The following SHTN1 variants were observed in gnomAD, a reference collection of about 807,000 sequenced individuals.
SHTN1 encodes the protein shootin-1.
SHTN1 carries 42 observed loss-of-function variants against 83.1 expected under a neutral mutation model. The observed-to-expected ratio is 0.51, with a 90% confidence interval of 0.39 to 0.65. SHTN1 has a LOEUF of 0.65. SHTN1 is among the 30% of genes least tolerant of loss of function. SHTN1 has a pLI of 0.00. For synonymous variants in SHTN1, 224 were observed against 247.7 expected (o/e 0.90, Z 0.90); for missense variants, 622 against 737.8 (o/e 0.84, Z 1.82).
intron 1 of SHTN1, among the ~76,000 whole-genome samples, chr10:116,982,585 A>C (rs1851064650): frequency 6.6e-6 from 1 of 152,326 alleles, no homozygotes; most frequent in South Asian, 2.1e-4. Flanking sequence ...GCAGTCTGAA[A>C]ATTTTAAAAA....
At chr10:117,010,085 A>T (rs559618848), upstream of SHTN1, among the ~76,000 whole-genome samples, 1 of 152,258 alleles carries the variant, frequency 6.6e-6, no homozygotes, top group Admixed American at 6.5e-5. Context: ...AATAATGAAG[A>T]TTAGAGTGGA....
At chr10:117,112,745 C>G (rs767988070) in intron 1 of SHTN1, among the ~76,000 whole-genome samples, 3 of 152,192 alleles carry the variant, frequency 2.0e-5, no homozygotes, top group Admixed American at 1.3e-4. Flanking sequence ...ATTAAAATTT[C>G]TCTTCCTAAC....
chr10:117,113,207 CTT>C (rs1853792323), intron 1 of SHTN1, among the ~76,000 whole-genome samples: 1 of 152,188 alleles, frequency 6.6e-6, no homozygotes, highest in African/African-American at 2.4e-5. Flanking sequence ...TCCTAATTCT[CTT>C]TGAGCAGGAA....
At chr10:116,975,919 T>C (rs184362970) in intron 2 of SHTN1, among the ~76,000 whole-genome samples, 3 of 152,328 alleles carry the variant, frequency 2.0e-5, no homozygotes, top group Admixed American at 2.0e-4. Context: ...TAAAGATAAA[T>C]GACCCAGAAA....
At position 116,906,727 on chromosome 10, in the gene SHTN1, A is replaced by G. The variant is rs770851197; in HGVS notation, c.1380T>C (p.Thr460=). ...CAAGGGATTTTAAGCTTCTTGAACT[A>G]GTGGATTTGTTAAGTGTCCCCTAAA... The part of the protein sequence containing the change: ...KGILGTLNKS[T]SSRSLKSLDP... Residue 460 remains threonine, a synonymous_variant, in exon 15 of 17, where the codon ACT becomes ACC. Transcript: ENST00000355371. The G allele has an allele frequency of 6.2e-7, 1 of 1,612,774 alleles. No individual in the cohort carries two copies. The highest frequency in any genetic ancestry group is 1.1e-5 in the South Asian group (1 of 90,798).
At chr10:116,990,705 A>G (rs552606214) in intron 1 of SHTN1, among the ~76,000 whole-genome samples, 3 of 151,842 alleles carry the variant, frequency 2.0e-5, no homozygotes, top group Non-Finnish European at 4.4e-5. Context: ...ACCCCCAAAC[A>G]CACCCCATGG....
At chr10:117,004,197 T>G (rs1851925053) in intron 1 of SHTN1, among the ~76,000 whole-genome samples, 1 of 152,190 alleles carries the variant, frequency 6.6e-6, no homozygotes, top group Non-Finnish European at 1.5e-5. Flanking sequence ...GGTTCCTCCC[T>G]GTCTTGACCC....
chr10:116,900,433 T>C, intron 16 of SHTN1: 1 of 1,076,936 alleles, frequency 9.3e-7, no homozygotes, highest in Non-Finnish European at 1.4e-6. Flanking sequence ...ACCTTGGGCC[T>C]GCAATTATTT....
At chr10:116,921,772 G>A (rs1365064928) in intron 11 of SHTN1, among the ~76,000 whole-genome samples, 1 of 151,962 alleles carries the variant, frequency 6.6e-6, no homozygotes, top group Non-Finnish European at 1.5e-5. Context: ...CACTTACAAA[G>A]GAAAAGAGAC....
At chr10:116,930,596 T>TA (rs777581618) in intron 9 of SHTN1, among the ~76,000 whole-genome samples, 5 of 152,208 alleles carry the variant, frequency 3.3e-5, no homozygotes, top group Admixed American at 6.5e-5. Context: ...TTCCATGGTG[T>TA]AATATGTACC....
chr10:117,012,204 A>G (rs1197079831), intron 2 of SHTN1, among the ~76,000 whole-genome samples: 1 of 152,018 alleles, frequency 6.6e-6, no homozygotes, highest in Non-Finnish European at 1.5e-5. Flanking sequence ...AATTCTTCCA[A>G]ATTTAACCTA....
At chr10:117,061,044 A>G (rs1852891833) in intron 1 of SHTN1, among the ~76,000 whole-genome samples, 1 of 151,970 alleles carries the variant, frequency 6.6e-6, no homozygotes, top group African/African-American at 2.4e-5. Flanking sequence ...AAAATGGTCC[A>G]CCTTTGCTGG....
At chr10:116,975,721 T>C (rs189329182) in intron 2 of SHTN1, among the ~76,000 whole-genome samples, 1 of 151,812 alleles carries the variant, frequency 6.6e-6, no homozygotes, top group African/African-American at 2.4e-5. Context: ...AAAATATCCA[T>C]CAAAACATGG....
chr10:116,978,501 G>C (rs1318345661), intron 2 of SHTN1, among the ~76,000 whole-genome samples: 1 of 151,742 alleles, frequency 6.6e-6, no homozygotes, highest in Non-Finnish European at 1.5e-5. Flanking sequence ...ACCGAAAATA[G>C]GCAGTCTGCT....
At chr10:116,932,749 G>C (rs189883315) in intron 9 of SHTN1, among the ~76,000 whole-genome samples, 7 of 152,280 alleles carry the variant, frequency 4.6e-5, no homozygotes, top group African/African-American at 1.7e-4. Flanking sequence ...GTACATGAAA[G>C]ACTGTAAGAA....
In SHTN1 at chr10:116,908,580, C is replaced by A. The variant is rs1848066731; in HGVS notation, c.1360-1833G>T. On this transcript the variant is annotated intron_variant, in intron 14 of 16. Coordinates refer to ENST00000355371, the MANE Select transcript of SHTN1 (RefSeq NM_001127211.3). ...ATATTTGAAAAACACATGGTCATCA[C>A]TACTAAAATAAGTTGTAAAACTACT... 2.0e-5 allele frequency among the ~76,000 whole-genome samples: 3 copies of A among 152,290 alleles called. 1 individual carries two copies. The South Asian group carries it at 6.2e-4, about 32-fold the overall frequency.
chr10:117,011,729 C>T (rs1852105887), intron 2 of SHTN1, among the ~76,000 whole-genome samples: 1 of 151,600 alleles, frequency 6.6e-6, no homozygotes, highest in Admixed American at 6.6e-5. Context: ...AATACTGAAG[C>T]ACTTAGGTAT....
At chr10:116,954,596 A>G (rs1316768326) in intron 4 of SHTN1, among the ~76,000 whole-genome samples, 1 of 152,158 alleles carries the variant, frequency 6.6e-6, no homozygotes, top group Non-Finnish European at 1.5e-5. Flanking sequence ...CTGTTTGCCT[A>G]ACATCTCTCT....
At chr10:116,946,164 T>C (rs975303315) in intron 7 of SHTN1, among the ~76,000 whole-genome samples, 16 of 150,538 alleles carry the variant, frequency 1.1e-4, no homozygotes, top group Non-Finnish European at 2.1e-4. Flanking sequence ...TTCCTTTTAC[T>C]GGTATTTCCT....
Sources: allele counts gnomAD v4.1 joint callset (sites outside exome capture counted in the v4.1 genomes callset), GRCh38; gene constraint gnomAD v4.1.1; transcripts MANE v1.5; gene names NCBI Gene and HGNC (gene_info 2026-07-23, HGNC 2026-07-21).